The following MFSD8 variants were observed in gnomAD, a reference collection of about 807,000 sequenced individuals.
MFSD8 encodes major facilitator superfamily domain-containing protein 8.
In MFSD8, 55 loss-of-function variants were observed where a neutral mutation model predicts 66.4. The observed-to-expected ratio is 0.83, with a 90% CI of 0.67 to 1.04. The LOEUF (loss-of-function observed/expected upper bound fraction) is 1.04, where lower values mean the gene tolerates loss of function less well. MFSD8 is among the 50% of genes least tolerant of loss of function. MFSD8 has a pLI of 0.00. For synonymous variants in MFSD8, 202 were observed against 212.8 expected, an observed-to-expected ratio of 0.95 and a Z score of 0.44; for missense variants, 550 against 627.6, an observed-to-expected ratio of 0.88 and a Z score of 1.32.
At chr4:127,938,380 G>A (rs904855412) in intron 7 of MFSD8, among the ~76,000 whole-genome samples, 2 of 151,886 alleles carry the variant, frequency 1.3e-5, no homozygotes, top group Admixed American at 6.6e-5. Flanking sequence ...TCAGGAGATC[G>A]AGACCATCCT....
chr4:127,965,489 A>G (rs1489684790), upstream of MFSD8: 4 of 395,914 alleles, frequency 1.0e-5, no homozygotes, highest in Admixed American at 7.7e-5. Context: ...GTTCCTGGAA[A>G]GGTTACCGGA....
chr4:127,939,498 C>T (rs529517985), intron 6 of MFSD8: 4 of 174,138 alleles, frequency 2.3e-5, no homozygotes, highest in East Asian at 1.7e-4. Context: ...CCCAGCTACT[C>T]GGGAAGCTGA....
intron 3 of MFSD8, among the ~76,000 whole-genome samples, chr4:127,948,370 A>G (rs113018261): frequency 4.6e-4 from 70 of 152,294 alleles, no homozygotes; most frequent in Non-Finnish European, 7.5e-4. Flanking sequence ...GGGGAGAAGT[A>G]ATGCAAGACC....
intron 4 of MFSD8, 77 bp from the exon 5 acceptor site, chr4:127,942,235 A>G (rs1432145233): frequency 1.8e-6 from 2 of 1,121,012 alleles, no homozygotes; most frequent in Non-Finnish European, 2.7e-6. Context: ...ATTTGACTTT[A>G]TACAGAAGAA....
At chr4:127,964,984 G>T in intron 1 of MFSD8, 88 bp downstream of exon 1, 1 of 1,496,716 alleles carries the variant, frequency 6.7e-7, no homozygotes, top group Non-Finnish European at 9.2e-7. Context: ...TGGCAGCGAG[G>T]GTTTGTCCCA....
At chr4:127,917,735 A>ATTT (rs1735991430), downstream of MFSD8, 1 of 152,232 alleles carries the variant, frequency 6.6e-6, no homozygotes, top group Non-Finnish European at 1.5e-5. Context: ...TGACATTGTA[A>ATTT]TTGGCACATA....
At chr4:127,934,956 G>A (rs1006532545) in intron 7 of MFSD8, among the ~76,000 whole-genome samples, 1 of 121,244 alleles carries the variant, frequency 8.2e-6, no homozygotes, top group Non-Finnish European at 1.7e-5. Context: ...TGGGTGGGGG[G>A]GCTTTCCTAA....
chr4:127,943,363 C>A, intron 4 of MFSD8: 1 of 225,236 alleles, frequency 4.4e-6, no homozygotes, highest in Non-Finnish European at 8.8e-6. Context: ...AAATGTGGAG[C>A]TTGAATTGGA....
Position 127,920,308 on chromosome 4 carries a change from T to C in MFSD8, c.*322A>G. 1 of 347,514 alleles carries C rather than the reference T, an allele frequency of 2.9e-6. No individual in the cohort carries two copies. 21.5% of individuals were successfully genotyped at this position (347,514 alleles called of 1,614,324 possible). A position where few individuals can be genotyped will look rare whatever the true frequency, so the allele number is the denominator to read the frequency against. ...CTGTATATTATTTTAATGACACTTC[T>C]GCAGTGGGTATTAAGAATACAGCTT... On this transcript the variant is annotated 3_prime_UTR_variant, in exon 12 of 12. Coordinates refer to ENST00000641686, the MANE Select transcript of MFSD8 (RefSeq NM_001371596.2).
At chr4:127,955,478 TTCAGTGAGCCAAGA>T (rs1742690808) in intron 2 of MFSD8, among the ~76,000 whole-genome samples, 1 of 150,624 alleles carries the variant, frequency 6.6e-6, no homozygotes, top group African/African-American at 2.4e-5. Context: ...AGGCGGAGGT[TTCAGTGAGCCAAGA>T]TCACACCACT....
At chr4:127,948,904 C>A (rs187540056) in intron 3 of MFSD8, among the ~76,000 whole-genome samples, 1 of 152,224 alleles carries the variant, frequency 6.6e-6, no homozygotes. Flanking sequence ...AAATAAATTC[C>A]TTTTTTAAAA....
chr4:127,949,523 G>C (rs1423266908), intron 3 of MFSD8, among the ~76,000 whole-genome samples: 2 of 152,260 alleles, frequency 1.3e-5, no homozygotes, highest in East Asian at 3.9e-4. Context: ...TATGAATGTG[G>C]CTTCTGAGTA....
At chr4:127,937,876 A>G (rs575978604) in intron 7 of MFSD8, among the ~76,000 whole-genome samples, 33 of 152,332 alleles carry the variant, frequency 2.2e-4, no homozygotes, top group Non-Finnish European at 4.1e-4. Context: ...TAGTAAAATA[A>G]TACTATGTCT....
intron 9 of MFSD8, among the ~76,000 whole-genome samples, chr4:127,922,428 A>G (rs1354905119): frequency 6.6e-6 from 1 of 152,164 alleles, no homozygotes; most frequent in East Asian, 1.9e-4. Context: ...GTTCAAAACC[A>G]GCCTGGGCAA....
At chr4:127,958,386 C>A (rs1743226413) in intron 1 of MFSD8, among the ~76,000 whole-genome samples, 1 of 152,068 alleles carries the variant, frequency 6.6e-6, no homozygotes, top group Non-Finnish European at 1.5e-5. Context: ...AGACAAAATG[C>A]CTTCTTATGT....
Position 127,965,171 on chromosome 4 carries a change from C to G in MFSD8, c.-38G>C. 6.2e-7 allele frequency: 1 copy of G among 1,612,492 alleles called. No homozygotes were observed. The highest frequency in any genetic ancestry group is 1.1e-5 in the South Asian group (1 of 90,840). On this transcript the variant is annotated 5_prime_UTR_variant, in exon 1 of 12. Transcript: ENST00000641686. ...TACAAGGCGTCTTGCGCCCAACTCT[C>G]GCGACACCTGCTTTCTCCCATCCCG...
At position 127,931,535 on chromosome 4, in the gene MFSD8, T is replaced by G. The variant is rs1738129225; in HGVS notation, c.864-718A>C. On this transcript the variant is annotated intron_variant, in intron 8 of 11. Transcript: ENST00000641686. ...ACCATACCCAGTTAATTTTTGTATT[T>G]TTAGTATAGACAGGGTTTCACCATA... is the stretch of plus-strand genomic sequence containing the variant. Among the ~76,000 whole-genome samples, 2 of 152,220 alleles carry G rather than the reference T, an allele frequency of 1.3e-5. 1 individual carries two copies. The highest frequency in any genetic ancestry group is 4.2e-4 in the South Asian group (2 of 4,816).
At chr4:127,964,949 G>C (rs528647768) in intron 1 of MFSD8, 123 bp downstream of exon 1, 263 of 1,193,964 alleles carry the variant, frequency 2.2e-4, no homozygotes, top group Non-Finnish European at 2.6e-4. Flanking sequence ...CCCAGCCACC[G>C]GCTCCCACCG....
At position 127,941,544 on chromosome 4, in the gene MFSD8, C is replaced by T. The variant is rs146035601; in HGVS notation, c.553+501G>A. On this transcript the variant is annotated intron_variant, in intron 5 of 11. Coordinates refer to ENST00000641686, the MANE Select transcript of MFSD8 (RefSeq NM_001371596.2). ...ATGATGTGATCTCAGCTCACTGCAA[C>T]CTCTGCCTCCGAGTTCAAGCGATTC... 6.4e-3 allele frequency among the ~76,000 whole-genome samples: 975 copies of T among 152,196 alleles called. 14 individuals are homozygous for T. Among genetic ancestry groups the T allele is most frequent in the African/African-American group, 0.022 (914 of 41,528 alleles).
Sources: allele counts gnomAD v4.1 joint callset (sites outside exome capture counted in the v4.1 genomes callset), GRCh38; gene constraint gnomAD v4.1.1; transcripts MANE v1.5; gene names NCBI Gene and HGNC (gene_info 2026-07-23, HGNC 2026-07-21).